CD2AP: variants seen among roughly 807,000 people sequenced by gnomAD.
CD2AP encodes CD2-associated protein.
CD2AP carries 46 observed loss-of-function variants against 85.1 expected under a neutral mutation model. The ratio of observed to expected loss-of-function variants is 0.54; its 90% confidence interval spans 0.43 to 0.69. The LOEUF (loss-of-function observed/expected upper bound fraction) is 0.69. Among genes scored for constraint, CD2AP ranks in the 30% least tolerant of loss-of-function variants. The pLI is 0.00. For missense variants in CD2AP, 769 were observed against 729.5 expected (o/e 1.05, Z -0.62); for synonymous variants, 255 against 252.9 (o/e 1.01, Z -0.08).
intron 1 of CD2AP, among the ~76,000 whole-genome samples, chr6:47,479,185 G>C (rs908761274): frequency 1.3e-5 from 2 of 152,204 alleles, no homozygotes; most frequent in African/African-American, 4.8e-5. Context: ...TGTTCTGTAA[G>C]AGTAAACCCA....
chr6:47,605,345 C>T (rs1254112935), intron 13 of CD2AP, among the ~76,000 whole-genome samples: 1 of 151,888 alleles, frequency 6.6e-6, no homozygotes, highest in African/African-American at 2.4e-5. Flanking sequence ...AAAGAAATTT[C>T]CTTTAGCAAG....
chr6:47,568,111 G>A (rs2114086837), intron 5 of CD2AP, among the ~76,000 whole-genome samples: 1 of 152,262 alleles, frequency 6.6e-6, no homozygotes, highest in African/African-American at 2.4e-5. Context: ...AAAAAGAGGA[G>A]CCAACTGCTA....
chr6:47,501,135 C>G (rs1765987984), intron 1 of CD2AP, among the ~76,000 whole-genome samples: 1 of 152,094 alleles, frequency 6.6e-6, no homozygotes, highest in Non-Finnish European at 1.5e-5. Flanking sequence ...GCCTGTGATC[C>G]TAGCACTTTG....
At chr6:47,535,962 A>G (rs1002030049) in intron 3 of CD2AP, among the ~76,000 whole-genome samples, 13 of 152,240 alleles carry the variant, frequency 8.5e-5, no homozygotes, top group East Asian at 5.8e-4. Context: ...CTAATAGGAA[A>G]GGATACAGTA....
rs1182173062 is a variant in CD2AP at position 47,579,428 on chromosome 6, A to G, written c.947A>G (p.Lys316Arg). The G allele has an allele frequency of 1.9e-6, 3 of 1,613,582 alleles. No individual in the cohort carries two copies. The highest frequency in any genetic ancestry group is 2.5e-6 in the Non-Finnish European group (3 of 1,179,522). The stretch of plus-strand genomic sequence containing the variant: ...TGGTGGAGGGGCGAACTTAATGGTA[A>G]AGAAGGAGTATTTCCAGACAATTTT... Reference protein sequence around the residue: ...AGWWRGELNGKEGVFPDNFAV... With the variant: ...AGWWRGELNGREGVFPDNFAV... Residue 316 changes from lysine to arginine, a missense_variant, in exon 9 of 18, where the codon AAA (lysine) becomes AGA (arginine). Transcript: ENST00000359314.
In CD2AP at chr6:47,477,916, C is replaced by CT; in HGVS notation, c.-329_-328insT. ...GTTGGAGCCGAGGGTCTGGGCAAAC[C>CT]GGTGGGTCCCTCCCCACTGCGGGAG... is the stretch of plus-strand genomic sequence containing the variant. On this transcript the variant is annotated 5_prime_UTR_variant, in exon 1 of 18. Coordinates refer to ENST00000359314, the MANE Select transcript of CD2AP (RefSeq NM_012120.3). 2.2e-6 allele frequency: 1 copy of CT among 462,568 alleles called. No homozygotes were observed. The highest frequency in any genetic ancestry group is 2.5e-5 in the South Asian group (1 of 40,562). 28.7% of individuals were successfully genotyped at this position (462,568 alleles called of 1,614,324 possible).
intron 5 of CD2AP, among the ~76,000 whole-genome samples, chr6:47,566,320 A>ATATG (rs1562034999): frequency 1.5e-5 from 2 of 130,708 alleles, no homozygotes; most frequent in African/African-American, 5.1e-5. Flanking sequence ...ATATATATAT[A>ATATG]TATACACATA....
At chr6:47,541,545 CAAT>C (rs1387116885) in intron 3 of CD2AP, among the ~76,000 whole-genome samples, 1 of 152,200 alleles carries the variant, frequency 6.6e-6, no homozygotes, top group Admixed American at 6.5e-5. Context: ...TTTGGAGACT[CAAT>C]TATTTTATCT....
intron 3 of CD2AP, among the ~76,000 whole-genome samples, chr6:47,540,843 A>G (rs1767195855): frequency 1.3e-5 from 2 of 152,220 alleles, no homozygotes; most frequent in Admixed American, 1.3e-4. Context: ...AACAAAATAG[A>G]CATTTCTTTT....
At chr6:47,535,804 C>T (rs9349412) in intron 3 of CD2AP, among the ~76,000 whole-genome samples, 50,892 of 151,900 alleles carry the variant, frequency 0.34, 9,358 homozygotes, top group Middle Eastern at 0.52. Flanking sequence ...TTTTTAGGCC[C>T]ACGGGAGGTT....
intron 5 of CD2AP, among the ~76,000 whole-genome samples, chr6:47,557,463 T>G (rs1480958800): frequency 6.6e-6 from 1 of 152,204 alleles, no homozygotes; most frequent in Non-Finnish European, 1.5e-5. Flanking sequence ...TTTTAGGTCT[T>G]ACGTTTAAAT....
chr6:47,505,007 GTTTCTTTTTT>G (rs1766094228), intron 2 of CD2AP, among the ~76,000 whole-genome samples: 1 of 61,550 alleles, frequency 1.6e-5, no homozygotes, highest in Non-Finnish European at 3.2e-5. Context: ...GGCTGTGGCA[GTTTCTTTTTT>G]TTTTTTTTTT....
chr6:47,612,679 A>G (rs143860830), intron 17 of CD2AP, 143 bp downstream of exon 17: 6 of 664,256 alleles, frequency 9.0e-6, no homozygotes, highest in African/African-American at 1.8e-5. Flanking sequence ...CTATTCAGTC[A>G]CAAAAAAAGA....
intron 1 of CD2AP, among the ~76,000 whole-genome samples, chr6:47,486,978 A>G (rs1487868386): frequency 6.6e-6 from 1 of 152,164 alleles, no homozygotes; most frequent in Non-Finnish European, 1.5e-5. Flanking sequence ...GTTAGAAACA[A>G]CTTTTGGTTT....
intron 6 of CD2AP, 46 bp downstream of exon 6, chr6:47,574,297 T>G: frequency 6.5e-7 from 1 of 1,527,292 alleles, no homozygotes; most frequent in South Asian, 1.1e-5. Context: ...ATTCTCTCAT[T>G]AAGCATTTTT....
At chr6:47,574,002 A>G (rs1768230101) in intron 5 of CD2AP, 62 bp from the exon 6 acceptor site, 1 of 1,386,078 alleles carries the variant, frequency 7.2e-7, no homozygotes, top group African/African-American at 1.4e-5. Context: ...AGACATTATG[A>G]CAGGATGTCA....
intron 1 of CD2AP, among the ~76,000 whole-genome samples, chr6:47,491,051 C>G (rs1765717662): frequency 6.6e-6 from 1 of 151,982 alleles, no homozygotes; most frequent in South Asian, 2.1e-4. Flanking sequence ...ACTAATGGAT[C>G]TGGTACCTAA....
intron 2 of CD2AP, among the ~76,000 whole-genome samples, chr6:47,524,642 C>T (rs1766676563): frequency 6.6e-6 from 1 of 151,842 alleles, no homozygotes; most frequent in Middle Eastern, 3.2e-3. Context: ...ACTTGGCTCT[C>T]ATTTACATTC....
intron 17 of CD2AP, among the ~76,000 whole-genome samples, chr6:47,619,432 A>G (rs1031571868): frequency 2.0e-5 from 3 of 152,216 alleles, no homozygotes; most frequent in African/African-American, 7.2e-5. Context: ...GTAGTATTCC[A>G]TCATATACAT....
Sources: allele counts gnomAD v4.1 joint callset (sites outside exome capture counted in the v4.1 genomes callset), GRCh38; gene constraint gnomAD v4.1.1; transcripts MANE v1.5; gene names NCBI Gene and HGNC (gene_info 2026-07-23, HGNC 2026-07-21).